ZBTB7C: variants seen among roughly 807,000 people sequenced by gnomAD.
ZBTB7C encodes the protein zinc finger and BTB domain-containing protein 7C.
In ZBTB7C, 8 loss-of-function variants were observed where a neutral mutation model predicts 25.7. That is an observed-to-expected ratio of 0.31 (90% CI 0.18 to 0.56). The LOEUF (loss-of-function observed/expected upper bound fraction) is 0.56, where lower values mean the gene tolerates loss of function less well. Among genes scored for constraint, ZBTB7C ranks in the 20% least tolerant of loss-of-function variants. ZBTB7C has a pLI of 0.91. For missense variants in ZBTB7C, 824 were observed against 855.2 expected (o/e 0.96, Z 0.46); for synonymous variants, 394 against 369.0 (o/e 1.07, Z -0.78).
At chr18:48,136,760 C>T (rs988926126) in intron 3 of ZBTB7C, among the ~76,000 whole-genome samples, 1 of 152,162 alleles carries the variant, frequency 6.6e-6, no homozygotes, top group Non-Finnish European at 1.5e-5. Context: ...TGGCCCCACG[C>T]CCCGCAGGAG....
At chr18:48,226,227 T>C (rs1354353180) in intron 2 of ZBTB7C, among the ~76,000 whole-genome samples, 2 of 152,250 alleles carry the variant, frequency 1.3e-5, no homozygotes, top group Non-Finnish European at 2.9e-5. Flanking sequence ...TTGGGGGCTA[T>C]TTATTACATA....
chr18:48,192,715 GCA>G (rs1319794963), intron 2 of ZBTB7C, among the ~76,000 whole-genome samples: 4 of 152,208 alleles, frequency 2.6e-5, no homozygotes, highest in Non-Finnish European at 5.9e-5. Context: ...GCCTGCCTTG[GCA>G]TCCCAAAGTG....
rs143935647 is a variant in ZBTB7C at position 48,108,974 on chromosome 18, G to T, written c.-16-67851C>A. Among the ~76,000 whole-genome samples, 878 of 152,158 alleles carry T rather than the reference G, an allele frequency of 5.8e-3. 12 individuals carry two copies. Among genetic ancestry groups the T allele is most frequent in the African/African-American group, 0.02 (841 of 41,504 alleles). On this transcript the variant is annotated intron_variant, in intron 3 of 4. Coordinates refer to ENST00000590800, the MANE Select transcript of ZBTB7C (RefSeq NM_001318841.2). ...AGTGGAGCACTTGGGGGTAAGGAAG[G>T]GGGGCTCTGAGCTATGAACAAAGCC...
intron 2 of ZBTB7C, among the ~76,000 whole-genome samples, chr18:48,272,268 T>C (rs1047230707): frequency 6.6e-6 from 1 of 152,168 alleles, no homozygotes; most frequent in African/African-American, 2.4e-5. Flanking sequence ...GACAAAAGGG[T>C]GCAGGAAGGG....
chr18:48,139,124 G>A (rs2040262396), intron 3 of ZBTB7C, among the ~76,000 whole-genome samples: 1 of 152,154 alleles, frequency 6.6e-6, no homozygotes, highest in African/African-American at 2.4e-5. Flanking sequence ...GGGCTGGGCA[G>A]GCCTGGAAGA....
intron 2 of ZBTB7C, among the ~76,000 whole-genome samples, chr18:48,235,283 T>A (rs2043350642): frequency 1.3e-5 from 2 of 152,172 alleles, no homozygotes; most frequent in South Asian, 4.1e-4. Flanking sequence ...AAAATTATAG[T>A]TTCCTCTTCT....
At chr18:48,295,328 G>A (rs556944434) in intron 2 of ZBTB7C, among the ~76,000 whole-genome samples, 10 of 152,180 alleles carry the variant, frequency 6.6e-5, no homozygotes, top group African/African-American at 9.7e-5. Flanking sequence ...ACACCATTCC[G>A]TGGGGCTTGC....
intron 3 of ZBTB7C, among the ~76,000 whole-genome samples, chr18:48,042,664 C>T (rs574159834): frequency 6.6e-6 from 1 of 152,310 alleles, no homozygotes; most frequent in South Asian, 2.1e-4. Flanking sequence ...CACCATGGGG[C>T]AGCCCAGGCG....
intron 1 of ZBTB7C, among the ~76,000 whole-genome samples, chr18:48,377,899 C>T (rs183743063): frequency 4.6e-5 from 7 of 152,238 alleles, no homozygotes; most frequent in East Asian, 1.9e-4. Context: ...GGGCCAGGCA[C>T]GGTGGCTCAC....
intron 3 of ZBTB7C, among the ~76,000 whole-genome samples, chr18:48,127,375 A>G (rs2039837129): frequency 6.6e-6 from 1 of 152,048 alleles, no homozygotes; most frequent in African/African-American, 2.4e-5. Flanking sequence ...CTCTTGTACC[A>G]CTCAGCTGAA....
chr18:48,395,394 T>C (rs1340600049), intron 1 of ZBTB7C, among the ~76,000 whole-genome samples: 1 of 144,146 alleles, frequency 6.9e-6, no homozygotes, highest in East Asian at 2.0e-4. Context: ...TGTGTGTGTG[T>C]GTGTGTGTCA....
rs568460907 is a variant in ZBTB7C at position 48,093,182 on chromosome 18, A to C, written c.-16-52059T>G. ...GCCAGTGCCCGAACTAGGGTAAGGG[A>C]GCTGGGCCCACAGAGTAGACTCAGC... is the stretch of plus-strand genomic sequence containing the variant. On this transcript the variant is annotated intron_variant, in intron 3 of 4. Coordinates refer to ENST00000590800, the MANE Select transcript of ZBTB7C (RefSeq NM_001318841.2). 3.9e-5 allele frequency among the ~76,000 whole-genome samples: 6 copies of C among 152,304 alleles called. No homozygotes were observed. In the East Asian group the frequency reaches 1.2e-3, roughly 29 times the overall value.
chr18:48,313,675 G>A (rs985451006), intron 2 of ZBTB7C, among the ~76,000 whole-genome samples: 1 of 152,244 alleles, frequency 6.6e-6, no homozygotes. Flanking sequence ...CGGGGCATGG[G>A]TAAGTAGAGC....
chr18:48,035,212 G>A (rs868262576), intron 4 of ZBTB7C, among the ~76,000 whole-genome samples: 7 of 152,236 alleles, frequency 4.6e-5, no homozygotes, highest in Non-Finnish European at 7.3e-5. Context: ...CACAGCCTTC[G>A]GGGTTCAGCG....
intron 1 of ZBTB7C, among the ~76,000 whole-genome samples, chr18:48,355,066 T>C (rs1033162734): frequency 1.3e-5 from 2 of 152,206 alleles, no homozygotes; most frequent in African/African-American, 4.8e-5. Context: ...CAAAGCCTAC[T>C]GGGCCCTGGA....
chr18:48,261,390 T>C (rs2044166398), intron 2 of ZBTB7C, among the ~76,000 whole-genome samples: 1 of 152,222 alleles, frequency 6.6e-6, no homozygotes, highest in African/African-American at 2.4e-5. Context: ...AGCTGTCTTA[T>C]TTATTTCCAA....
chr18:48,161,827 G>A (rs2041059869), intron 3 of ZBTB7C, among the ~76,000 whole-genome samples: 1 of 150,922 alleles, frequency 6.6e-6, no homozygotes, highest in East Asian at 2.0e-4. Context: ...CTCCTCCTGC[G>A]GGAGCCATCG....
chr18:48,029,218 A>G lies in ZBTB7C; in HGVS notation c.*42T>C, dbSNP rs2035616740. The G allele has an allele frequency of 6.6e-7, 1 of 1,508,086 alleles. No homozygotes were observed. Among genetic ancestry groups the G allele is most frequent in the African/African-American group, 1.4e-5 (1 of 70,434 alleles). 93.4% of individuals were successfully genotyped at this position (1,508,086 alleles called of 1,614,324 possible). ...TAGGGTAGAGTGGGCCTGGAGGGAG[A>G]AGGACTGGAGGGCTGGTGGGCTGGA... On this transcript the variant is annotated 3_prime_UTR_variant, in exon 5 of 5. Coordinates refer to ENST00000590800, the MANE Select transcript of ZBTB7C (RefSeq NM_001318841.2).
At chr18:48,389,230 CTCTCTCGTGTGTGTGTGTGTGTGT>C (rs2047830617) in intron 1 of ZBTB7C, among the ~76,000 whole-genome samples, 2 of 78,774 alleles carry the variant, frequency 2.5e-5, no homozygotes, top group African/African-American at 1.1e-4. Context: ...CTCTCTCTCT[CTCTCTCGTGTGTGTGTGTGTGTGT>C]GTGTGTGTGT....
Sources: gnomAD v4.1 joint callset for allele counts (sites outside exome capture counted in the v4.1 genomes callset) on GRCh38, gnomAD v4.1.1 for gene constraint, MANE v1.5 for transcripts, NCBI Gene and HGNC (gene_info 2026-07-23, HGNC 2026-07-21) for gene names.